Variants in RANBP2 observed in about 807,000 individuals in gnomAD.
RANBP2 encodes E3 SUMO-protein ligase RanBP2.
RANBP2 carries 57 observed loss-of-function variants against 303.6 expected under a neutral mutation model. That is an observed-to-expected ratio of 0.19 (90% CI 0.15 to 0.23). The LOEUF is 0.23. Among genes scored for constraint, RANBP2 ranks in the 10% least tolerant of loss-of-function variants. The pLI is 1.00. For synonymous variants in RANBP2, 1,167 were observed against 1,301.5 expected (o/e 0.90, Z 2.23); for missense variants, 3,138 against 3,780.8 (o/e 0.83, Z 4.46).
At chr2:109,403,692 G>T in the RANBP2 span, among the ~76,000 whole-genome samples, 1 of 152,186 alleles carries the variant, frequency 6.6e-6, no homozygotes, top group Admixed American at 6.5e-5. Context: ...GGAGGTGCAG[G>T]CTCCCTCTCT....
Position 108,765,643 on chromosome 2 carries a change from T to G in RANBP2, c.5104T>G (p.Ser1702Ala), listed in dbSNP as rs765353555. ...GKQNQTTSAVSTPASSETSKA... is the reference protein window; with the variant it reads ...GKQNQTTSAVATPASSETSKA... ...ACAAAATCAAACTACTTCTGCAGTT[T>G]CAACACCTGCCTCTTCAGAGACAAG... Residue 1702 changes from serine (S) to alanine (A), a missense_variant, in exon 20 of 29, where the codon TCA becomes GCA. Physicochemically the swap from Ser to Ala is moderately conservative, Grantham distance 99. Around this residue, in one of 20 missense-constraint regions of RANBP2, gnomAD observed 51 missense variants for 112.1 expected, o/e 0.45. Coordinates refer to ENST00000283195, the MANE Select transcript of RANBP2 (RefSeq NM_006267.5). 3 of 1,451,404 alleles carry G rather than the reference T, an allele frequency of 2.1e-6. No individual in the cohort carries two copies. 89.9% of individuals were successfully genotyped at this position (1,451,404 alleles called of 1,614,324 possible). A position where few individuals can be genotyped will look rare whatever the true frequency, so the allele number is the denominator to read the frequency against.
intron 19 of RANBP2, among the ~76,000 whole-genome samples, chr2:108,762,809 A>G (rs1282336540): frequency 6.6e-6 from 1 of 152,128 alleles, no homozygotes; most frequent in Admixed American, 6.6e-5. Context: ...CATCATCATC[A>G]TCATCATCAT....
chr2:109,609,610 C>T, the RANBP2 span, among the ~76,000 whole-genome samples: 3 of 105,878 alleles, frequency 2.8e-5, no homozygotes, highest in South Asian at 6.8e-4. Flanking sequence ...AGCAAGACTC[C>T]GCCTCAAAAA....
At chr2:108,982,409 G>A in the RANBP2 span, among the ~76,000 whole-genome samples, 4 of 152,222 alleles carry the variant, frequency 2.6e-5, no homozygotes, top group African/African-American at 7.2e-5. Flanking sequence ...TGCCGTGGGA[G>A]GCATGCAGCC....
At chr2:109,699,851 G>A in the RANBP2 span, among the ~76,000 whole-genome samples, 265 of 152,222 alleles carry the variant, frequency 1.7e-3, no homozygotes, top group African/African-American at 6.3e-3. Context: ...TCAGCTTCTC[G>A]CCCTGTGCTG....
chr2:108,784,018 TA>T lies in RANBP2; in HGVS notation c.*121del. 1.0e-6 allele frequency: 1 copy of T among 997,050 alleles called. No individual in the cohort carries two copies. The allele number at this position is 997,050 out of a possible 1,614,324, so 61.8% of individuals were successfully genotyped here. A position where few individuals can be genotyped will look rare whatever the true frequency, so the allele number is the denominator to read the frequency against. On this transcript the variant is annotated 3_prime_UTR_variant, in exon 29 of 29. Coordinates refer to ENST00000283195, the MANE Select transcript of RANBP2 (RefSeq NM_006267.5). ...AATGGACGTTTCCGATTTACAAATGTAAAATTGCAGCTTATAGCTGTTGTCA... is the reference window on the plus strand; with the variant it reads ...AATGGACGTTTCCGATTTACAAATGTAAATTGCAGCTTATAGCTGTTGTCA...
the RANBP2 span, among the ~76,000 whole-genome samples, chr2:109,170,236 TCTTTTCTTTTCTCTTCTC>T: frequency 4.6e-3 from 177 of 38,784 alleles, 3 homozygotes; most frequent in Non-Finnish European, 5.3e-3. Flanking sequence ...TCTCTTCTCT[TCTTTTCTTTTCTCTTCTC>T]TTCTCTTCTC....
the RANBP2 span, among the ~76,000 whole-genome samples, chr2:109,222,182 A>T: frequency 2.6e-5 from 4 of 152,220 alleles, no homozygotes; most frequent in Non-Finnish European, 4.4e-5. Context: ...GCCAGATGCC[A>T]GTGTCTGGAA....
At chr2:109,080,791 A>G in the RANBP2 span, among the ~76,000 whole-genome samples, 1 of 152,248 alleles carries the variant, frequency 6.6e-6, no homozygotes, top group Non-Finnish European at 1.5e-5. Context: ...CCTCGTTCCT[A>G]CATCCAGGAA....
the RANBP2 span, among the ~76,000 whole-genome samples, chr2:109,228,524 C>T: frequency 6.6e-6 from 1 of 152,194 alleles, no homozygotes; most frequent in African/African-American, 2.4e-5. Flanking sequence ...TCAGTTCTGA[C>T]CCCTTCCATG....
chr2:109,390,496 T>G, the RANBP2 span, among the ~76,000 whole-genome samples: 1 of 151,204 alleles, frequency 6.6e-6, no homozygotes, highest in African/African-American at 2.5e-5. Flanking sequence ...GAAATGACAA[T>G]GTAGATTGCC....
the RANBP2 span, chr2:108,910,448 G>C: frequency 4.3e-6 from 7 of 1,610,548 alleles, no homozygotes; most frequent in Non-Finnish European, 5.9e-6. Context: ...GGTGCTGGGG[G>C]CTTCCACATA....
At chr2:109,391,659 G>A in the RANBP2 span, among the ~76,000 whole-genome samples, 4 of 152,146 alleles carry the variant, frequency 2.6e-5, no homozygotes, top group Non-Finnish European at 4.4e-5. Context: ...CCTAGGGTTC[G>A]ATGTCCCCAG....
At chr2:109,240,813 G>A in the RANBP2 span, among the ~76,000 whole-genome samples, 1 of 151,594 alleles carries the variant, frequency 6.6e-6, no homozygotes, top group East Asian at 1.9e-4. Context: ...CTCTTCTAAG[G>A]TTACTTCTTC....
chr2:109,200,509 A>G, the RANBP2 span, among the ~76,000 whole-genome samples: 4 of 152,046 alleles, frequency 2.6e-5, no homozygotes, highest in African/African-American at 9.7e-5. Flanking sequence ...CGGCGGGTCC[A>G]AGCCTCCGAC....
Position 108,740,642 on chromosome 2 carries a change from T to C in RANBP2, c.936T>C (p.Leu312=). The C allele has an allele frequency of 1.3e-5, 21 of 1,597,518 alleles. No individual in the cohort carries two copies. The highest frequency in any genetic ancestry group is 1.7e-5 in the Non-Finnish European group (20 of 1,179,762). ...GTAGTAATGTTCAATGGCGAGCTCT[T>C]TCTGAGCTGGCTGCATTGTGCTATC... The part of the protein sequence containing the change: ...QHSSNVQWRA[L]SELAALCYLI... The change falls in exon 7 of 29, where the codon CTT becomes CTC. Residue 312 remains leucine, a synonymous_variant. Transcript: ENST00000283195.
chr2:109,043,610 C>T, the RANBP2 span, among the ~76,000 whole-genome samples: 1 of 152,218 alleles, frequency 6.6e-6, no homozygotes, highest in Non-Finnish European at 1.5e-5. Context: ...GCTGGAATTA[C>T]AGGCGTGAGC....
chr2:109,585,823 G>GA, the RANBP2 span: 1 of 1,607,790 alleles, frequency 6.2e-7, no homozygotes, highest in Non-Finnish European at 8.5e-7. Context: ...GTCAACGAAC[G>GA]AATGTTTTCT....
the RANBP2 span, among the ~76,000 whole-genome samples, chr2:109,658,813 T>G: frequency 6.6e-6 from 1 of 152,062 alleles, no homozygotes; most frequent in African/African-American, 2.4e-5. Flanking sequence ...ACACCTGTAA[T>G]CCCAGCACTT....
Sources: gnomAD v4.1 joint callset for allele counts (sites outside exome capture counted in the v4.1 genomes callset) on GRCh38, gnomAD v4.1.1 for gene constraint, gnomAD v4.1.1 regional missense constraint, MANE v1.5 for transcripts, NCBI Gene and HGNC (gene_info 2026-07-23, HGNC 2026-07-21) for gene names.